The following CIMIP7 variants were observed in gnomAD, a reference collection of about 807,000 sequenced individuals.
CIMIP7 encodes uncharacterized protein C3orf84.
chr3:49,189,545 C>T, the CIMIP7 span, among the ~76,000 whole-genome samples: 1 of 152,254 alleles, frequency 6.6e-6, no homozygotes, highest in Admixed American at 6.5e-5. Context: ...TCAGCCATCA[C>T]TCCTTTCCAG....
At chr3:49,183,108 G>A in the CIMIP7 span, among the ~76,000 whole-genome samples, 4 of 152,230 alleles carry the variant, frequency 2.6e-5, no homozygotes, top group African/African-American at 9.6e-5. Flanking sequence ...GCCCCAAAGT[G>A]GGAGTCCAGG....
the CIMIP7 span, among the ~76,000 whole-genome samples, chr3:49,181,365 A>G: frequency 2.0e-5 from 3 of 148,278 alleles, no homozygotes; most frequent in Admixed American, 2.0e-4. Flanking sequence ...AAAAAAAGCA[A>G]GCTGAGGCCG....
chr3:49,182,604 C>A, the CIMIP7 span, among the ~76,000 whole-genome samples: 9 of 152,388 alleles, frequency 5.9e-5, no homozygotes, highest in South Asian at 1.9e-3. Flanking sequence ...TGGCTTCACC[C>A]AGTGGATCCC....
At chr3:49,189,118 C>A in the CIMIP7 span, among the ~76,000 whole-genome samples, 1 of 152,056 alleles carries the variant, frequency 6.6e-6, no homozygotes, top group Non-Finnish European at 1.5e-5. Flanking sequence ...TAGAGGCATG[C>A]GCCACCAAGC....
the CIMIP7 span, chr3:49,189,702 CTGAA>C: frequency 2.2e-6 from 1 of 447,668 alleles, no homozygotes; most frequent in South Asian, 1.8e-5. Flanking sequence ...ATTAAGGAAT[CTGAA>C]TGTGAAGGTA....
At chr3:49,183,033 C>A in the CIMIP7 span, among the ~76,000 whole-genome samples, 1 of 152,310 alleles carries the variant, frequency 6.6e-6, no homozygotes, top group South Asian at 2.1e-4. Flanking sequence ...GGAGCCGTCT[C>A]GGGCCTCGGC....
At chr3:49,181,971 G>A in the CIMIP7 span, among the ~76,000 whole-genome samples, 1 of 152,194 alleles carries the variant, frequency 6.6e-6, no homozygotes, top group African/African-American at 2.4e-5. Flanking sequence ...GCTGGCTCAG[G>A]AGTGAAGCTG....
At chr3:49,191,714 G>A in the CIMIP7 span, 1 of 1,593,972 alleles carries the variant, frequency 6.3e-7, no homozygotes, top group East Asian at 2.2e-5. Context: ...AGAGGGCCAG[G>A]GGCCAGGATT....
At chr3:49,185,704 T>C in the CIMIP7 span, among the ~76,000 whole-genome samples, 65 of 151,106 alleles carry the variant, frequency 4.3e-4, no homozygotes, top group African/African-American at 8.7e-4. Flanking sequence ...TTTTTTTTTT[T>C]CCCCGAGACG....
chr3:49,182,623 G>C, the CIMIP7 span, among the ~76,000 whole-genome samples: 1 of 152,242 alleles, frequency 6.6e-6, no homozygotes, highest in African/African-American at 2.4e-5. Flanking sequence ...CCGCACTGGG[G>C]CTGCAGGTGG....
the CIMIP7 span, among the ~76,000 whole-genome samples, chr3:49,186,902 TTTTTTACAACTGCTTATGAA>T: frequency 2.0e-5 from 3 of 152,240 alleles, no homozygotes; most frequent in Non-Finnish European, 4.4e-5. Context: ...ATCTCTATTA[TTTTTTACAACTGCTTATGAA>T]TTGATAATTA....
the CIMIP7 span, among the ~76,000 whole-genome samples, chr3:49,187,309 A>G: frequency 6.6e-6 from 1 of 152,220 alleles, no homozygotes; most frequent in Non-Finnish European, 1.5e-5. Context: ...GAGCAGGTAG[A>G]GCTAGGACTG....
At chr3:49,191,101 G>A in the CIMIP7 span, among the ~76,000 whole-genome samples, 1 of 152,098 alleles carries the variant, frequency 6.6e-6, no homozygotes, top group African/African-American at 2.4e-5. Flanking sequence ...AACTCCTATG[G>A]CCCAACCTCT....
the CIMIP7 span, among the ~76,000 whole-genome samples, chr3:49,191,415 C>T: frequency 6.6e-6 from 1 of 152,152 alleles, no homozygotes; most frequent in South Asian, 2.1e-4. Flanking sequence ...CAATCTTTGC[C>T]CTCAAAATGT....
the CIMIP7 span, chr3:49,177,825 G>C: frequency 1.2e-6 from 2 of 1,613,084 alleles, no homozygotes; most frequent in Non-Finnish European, 1.7e-6. Flanking sequence ...AGTTCTGCTG[G>C]TAGGTGGTCC....
chr3:49,178,037 G>A, the CIMIP7 span: 4 of 1,602,944 alleles, frequency 2.5e-6, no homozygotes, highest in Non-Finnish European at 3.4e-6. Flanking sequence ...ATTCCCTGCA[G>A]CAGGCAATAG....
chr3:49,189,159 G>A, the CIMIP7 span, among the ~76,000 whole-genome samples: 1 of 152,022 alleles, frequency 6.6e-6, no homozygotes, highest in African/African-American at 2.4e-5. Context: ...AGTAGAGATG[G>A]GGTTTCTCCA....
chr3:49,177,766 G>A, the CIMIP7 span: 3 of 1,610,302 alleles, frequency 1.9e-6, no homozygotes, highest in Middle Eastern at 3.3e-4. Flanking sequence ...CGGCGCCTGG[G>A]GCCCTACCTT....
chr3:49,184,558 C>T, the CIMIP7 span, among the ~76,000 whole-genome samples: 49 of 151,604 alleles, frequency 3.2e-4, no homozygotes, highest in African/African-American at 1.2e-3. Context: ...TGACCTTGAG[C>T]AGTCCACTGC....
Sources: gnomAD v4.1 joint callset for allele counts (sites outside exome capture counted in the v4.1 genomes callset) on GRCh38, gnomAD v4.1.1 for gene constraint, MANE v1.5 for transcripts, NCBI Gene and HGNC (gene_info 2026-07-23, HGNC 2026-07-21) for gene names.